The following SDK1 variants were observed in gnomAD, a reference collection of about 807,000 sequenced individuals.
SDK1 encodes sidekick cell adhesion molecule 1, also known as protein sidekick-1.
SDK1 carries 157 observed loss-of-function variants against 245.5 expected under a neutral mutation model. The ratio of observed to expected loss-of-function variants is 0.64; its 90% CI spans 0.56 to 0.73. SDK1 has a LOEUF of 0.73. SDK1 is among the 30% of genes least tolerant of loss of function. SDK1 has a pLI of 0.00. For missense variants in SDK1, 3,583 were observed against 3,002.3 expected, an observed-to-expected ratio of 1.19 and a Z score of -4.52; for synonymous variants, 1,647 against 1,278.5, an observed-to-expected ratio of 1.29 and a Z score of -6.15.
intron 17 of SDK1, among the ~76,000 whole-genome samples, chr7:4,038,630 C>T (rs1434395029): frequency 6.6e-6 from 1 of 152,198 alleles, no homozygotes; most frequent in Non-Finnish European, 1.5e-5. Context: ...AAACATGTTG[C>T]TGACAGTTTC....
In SDK1 at chr7:4,046,842, G is replaced by C. The variant is rs566819254; in HGVS notation, c.2603-2506G>C. 3.3e-5 allele frequency among the ~76,000 whole-genome samples: 5 copies of C among 150,640 alleles called. 1 individual carries two copies. The South Asian group carries it at 1.0e-3, about 31-fold the overall frequency. On this transcript the variant is annotated intron_variant, in intron 17 of 44. Coordinates refer to ENST00000404826, the MANE Select transcript of SDK1 (RefSeq NM_152744.4). Reference sequence around the variant, plus strand: ...GTGATTTTTTTTTTTTCTTTTTTGAGAGCGGGTCTTGCTCTGTAACCCAGG... The same window carrying C: ...GTGATTTTTTTTTTTTCTTTTTTGACAGCGGGTCTTGCTCTGTAACCCAGG...
chr7:3,959,941 A>G (rs1781547577), intron 8 of SDK1, among the ~76,000 whole-genome samples: 1 of 152,172 alleles, frequency 6.6e-6, no homozygotes, highest in South Asian at 2.1e-4. Flanking sequence ...ACCTTCTAGC[A>G]GAGACAGGCT....
intron 1 of SDK1, among the ~76,000 whole-genome samples, chr7:3,309,211 G>C (rs2128542812): frequency 6.6e-6 from 1 of 152,156 alleles, no homozygotes; most frequent in African/African-American, 2.4e-5. Context: ...CTTCTCTCTA[G>C]GTGTTAGGCG....
At position 3,301,565 on chromosome 7, in the gene SDK1, C is replaced by G; in HGVS notation, c.-22C>G. ...GCCCGCCCGTCCGTCCGGCGCGGCG[C>G]TCGGGGTGGCGGCTGCTCGGCATGG... On this transcript the variant is annotated 5_prime_UTR_variant, in exon 1 of 45. Transcript: ENST00000404826. The G allele has an allele frequency of 1.1e-6, 1 of 906,452 alleles. No individual in the cohort carries two copies. Among genetic ancestry groups the G allele is most frequent in the African/African-American group, 1.8e-5 (1 of 54,594 alleles). The allele number at this position is 906,452 out of a possible 1,614,324, so 56.2% of individuals were successfully genotyped here.
intron 4 of SDK1, among the ~76,000 whole-genome samples, chr7:3,809,288 A>G (rs1410997476): frequency 6.6e-6 from 1 of 152,162 alleles, no homozygotes; most frequent in Non-Finnish European, 1.5e-5. Context: ...CACCAAGAGG[A>G]TGGTGCTAAA....
At chr7:3,979,862 G>A (rs1411232943) in intron 13 of SDK1, among the ~76,000 whole-genome samples, 1 of 152,126 alleles carries the variant, frequency 6.6e-6, no homozygotes, top group East Asian at 1.9e-4. Context: ...ATCATTTAAA[G>A]ACCCAATTAG....
intron 4 of SDK1, among the ~76,000 whole-genome samples, chr7:3,810,089 T>C (rs1431458995): frequency 6.6e-6 from 1 of 152,228 alleles, no homozygotes; most frequent in African/African-American, 2.4e-5. Context: ...TCTTGCTATA[T>C]AAACTGAGCT....
chr7:3,878,942 T>TA (rs113712907), intron 5 of SDK1, among the ~76,000 whole-genome samples: 6 of 151,828 alleles, frequency 4.0e-5, no homozygotes, highest in African/African-American at 4.8e-5. Flanking sequence ...CAGGTCAAGA[T>TA]AAAAAAAAAT....
Position 4,016,763 on chromosome 7 carries a change from G to A in SDK1, c.2421-408G>A, listed in dbSNP as rs146426523. ...CTCTGTCCCTGGACACCACAAGGCC[G>A]TGTGCTGCTTGCTTCTGGAAGTCTC... On this transcript the variant is annotated intron_variant, in intron 16 of 44. Transcript: ENST00000404826. 9.9e-5 allele frequency among the ~76,000 whole-genome samples: 15 copies of A among 152,274 alleles called. No individual in the cohort carries two copies. In the East Asian group the frequency reaches 1.5e-3, roughly 16 times the overall value.
At chr7:3,924,093 C>CTT (rs111644858) in intron 5 of SDK1, among the ~76,000 whole-genome samples, 23 of 143,876 alleles carry the variant, frequency 1.6e-4, no homozygotes, top group African/African-American at 5.3e-4. Context: ...AGAAATTCCT[C>CTT]TTTTTTTTTT....
chr7:4,005,278 G>T (rs868154263), intron 14 of SDK1, among the ~76,000 whole-genome samples: 1 of 151,506 alleles, frequency 6.6e-6, no homozygotes, highest in African/African-American at 2.4e-5. Flanking sequence ...ATCTCTTGAC[G>T]TCGTGATCCA....
intron 1 of SDK1, among the ~76,000 whole-genome samples, chr7:3,376,865 C>G (rs1480455883): frequency 2.0e-5 from 3 of 151,678 alleles, no homozygotes; most frequent in East Asian, 1.9e-4. Flanking sequence ...TTTTTTTCCT[C>G]TATTTCCCCT....
chr7:3,825,182 C>T (rs1056403165), intron 5 of SDK1, among the ~76,000 whole-genome samples: 5 of 152,072 alleles, frequency 3.3e-5, no homozygotes, highest in East Asian at 3.9e-4. Flanking sequence ...ATGTGTCTTC[C>T]GAGGTCAGAC....
rs139058658 is a variant in SDK1 at position 3,484,800 on chromosome 7, A to T, written c.299-134280A>T. ...GCCTGACTTTCGCTTAATGTCCTCC[A>T]GTTATAAACGTGTTGCTGCAAATGA... is the stretch of plus-strand genomic sequence containing the variant. On this transcript the variant is annotated intron_variant, in intron 1 of 44. Transcript: ENST00000404826. Among the ~76,000 whole-genome samples, 17 of 152,326 alleles carry T rather than the reference A, an allele frequency of 1.1e-4. No homozygotes were observed. The East Asian group carries it at 2.5e-3, about 22-fold the overall frequency.
chr7:3,430,801 C>G (rs1003704365), intron 1 of SDK1, among the ~76,000 whole-genome samples: 2 of 152,216 alleles, frequency 1.3e-5, no homozygotes, highest in Non-Finnish European at 2.9e-5. Context: ...GCCCATGCCT[C>G]CGGTGGATGG....
chr7:3,350,526 A>G (rs1337501044), intron 1 of SDK1, among the ~76,000 whole-genome samples: 2 of 152,204 alleles, frequency 1.3e-5, no homozygotes, highest in African/African-American at 2.4e-5. Context: ...TAAATTAATA[A>G]TACTGATAGT....
At chr7:3,320,476 A>G (rs78683596) in intron 1 of SDK1, among the ~76,000 whole-genome samples, 2,468 of 152,214 alleles carry the variant, frequency 0.016, 59 homozygotes, top group African/African-American at 0.05. Flanking sequence ...AATTAGCCTT[A>G]ATATTGATTT....
intron 1 of SDK1, among the ~76,000 whole-genome samples, chr7:3,320,375 T>G (rs1779773160): frequency 6.6e-6 from 1 of 152,112 alleles, no homozygotes. Context: ...GTTTTTATAT[T>G]CTATGGAGTA....
At chr7:3,541,420 T>C (rs1280046693) in intron 1 of SDK1, among the ~76,000 whole-genome samples, 1 of 152,194 alleles carries the variant, frequency 6.6e-6, no homozygotes, top group African/African-American at 2.4e-5. Flanking sequence ...CCTCTATGCC[T>C]TTCTCATGTG....
Sources: gnomAD v4.1 joint callset for allele counts (sites outside exome capture counted in the v4.1 genomes callset) on GRCh38, gnomAD v4.1.1 for gene constraint, MANE v1.5 for transcripts, NCBI Gene and HGNC (gene_info 2026-07-23, HGNC 2026-07-21) for gene names.